The following PTPRD variants were observed in gnomAD, a reference collection of about 807,000 sequenced individuals.
The protein encoded by PTPRD is receptor-type tyrosine-protein phosphatase delta.
PTPRD carries 34 observed loss-of-function variants against 214.5 expected under a neutral mutation model. That is an observed-to-expected ratio of 0.16 (90% CI 0.12 to 0.21). The LOEUF is 0.21. PTPRD is among the 10% of genes least tolerant of loss of function. The probability of loss-of-function intolerance (pLI) is 1.00; values close to 1 mark genes in which losing one functional copy is unlikely to be tolerated. For synonymous variants in PTPRD, 1,128 were observed against 845.7 expected, an observed-to-expected ratio of 1.33 and a Z score of -5.79; for missense variants, 2,545 against 2,398.7, an observed-to-expected ratio of 1.06 and a Z score of -1.27.
intron 14 of PTPRD, among the ~76,000 whole-genome samples, chr9:8,632,133 GTGTGTGTGTGTGTGTC>G (rs1236338306): frequency 2.7e-5 from 4 of 146,654 alleles, no homozygotes; most frequent in South Asian, 2.2e-4. Context: ...GTGTGTGTGT[GTGTGTGTGTGTGTGTC>G]TGTGTGTGTG....
intron 3 of PTPRD, among the ~76,000 whole-genome samples, chr9:10,269,352 G>T (rs2094289233): frequency 6.6e-6 from 1 of 152,172 alleles, no homozygotes; most frequent in Admixed American, 6.5e-5. Context: ...AGATAAACAT[G>T]TGGTTCCTAT....
chr9:9,357,617 G>A (rs1236071575), intron 9 of PTPRD, among the ~76,000 whole-genome samples: 2 of 150,962 alleles, frequency 1.3e-5, no homozygotes, highest in Admixed American at 1.3e-4. Flanking sequence ...AGTGAATGAG[G>A]GAAAGAAGCA....
At chr9:8,510,870 T>C (rs961773876) in intron 21 of PTPRD, among the ~76,000 whole-genome samples, 2 of 152,152 alleles carry the variant, frequency 1.3e-5, no homozygotes, top group African/African-American at 4.8e-5. Context: ...ATGAGCATAA[T>C]ATATGTATAT....
chr9:9,349,607 T>C (rs146291310), intron 9 of PTPRD, among the ~76,000 whole-genome samples: 2,035 of 151,056 alleles, frequency 0.013, 36 homozygotes, highest in African/African-American at 0.047. Context: ...TTTTTTTGTA[T>C]ACTAAAGTTT....
chr9:9,505,373 T>C (rs1433127885), intron 8 of PTPRD, among the ~76,000 whole-genome samples: 1 of 151,560 alleles, frequency 6.6e-6, no homozygotes, highest in Non-Finnish European at 1.5e-5. Context: ...GAATTTTACT[T>C]TCCTCTTGCA....
chr9:9,175,725 A>G (rs1027362276), intron 10 of PTPRD, among the ~76,000 whole-genome samples: 4 of 151,504 alleles, frequency 2.6e-5, no homozygotes, highest in Admixed American at 1.3e-4. Context: ...TCTTTGTGTG[A>G]TCCGATTGTA....
intron 11 of PTPRD, among the ~76,000 whole-genome samples, chr9:8,882,212 G>A (rs1276242022): frequency 6.6e-6 from 1 of 152,114 alleles, no homozygotes; most frequent in Admixed American, 6.5e-5. Context: ...AAACAGAGTG[G>A]TGTTCCTTTC....
chr9:9,573,071 G>T (rs988977510), intron 8 of PTPRD, among the ~76,000 whole-genome samples: 1 of 151,492 alleles, frequency 6.6e-6, no homozygotes, highest in Non-Finnish European at 1.5e-5. Context: ...CAACACTATT[G>T]ATAAAGCCAA....
intron 4 of PTPRD, among the ~76,000 whole-genome samples, chr9:9,938,945 G>T (rs760716464): frequency 2.6e-5 from 4 of 151,654 alleles, no homozygotes; most frequent in Admixed American, 6.6e-5. Context: ...CTTGGAAACA[G>T]TAAATCAAAA....
chr9:8,628,882 G>C (rs571791311), intron 14 of PTPRD, among the ~76,000 whole-genome samples: 1 of 151,858 alleles, frequency 6.6e-6, no homozygotes, highest in African/African-American at 2.4e-5. Context: ...AGCATGTTTA[G>C]ACAATAATTG....
chr9:8,608,686 C>T (rs951525223), intron 14 of PTPRD, among the ~76,000 whole-genome samples: 1 of 151,980 alleles, frequency 6.6e-6, no homozygotes, highest in African/African-American at 2.4e-5. Flanking sequence ...TAGCAGTTGC[C>T]ATTAGAGTAC....
intron 10 of PTPRD, among the ~76,000 whole-genome samples, chr9:9,100,707 C>A (rs1055232795): frequency 2.6e-5 from 4 of 152,094 alleles, no homozygotes; most frequent in African/African-American, 9.7e-5. Flanking sequence ...ATGTTCCTGT[C>A]TCAGGAATAT....
intron 2 of PTPRD, among the ~76,000 whole-genome samples, chr9:10,428,460 G>A (rs1401690897): frequency 6.6e-6 from 1 of 152,022 alleles, no homozygotes; most frequent in Non-Finnish European, 1.5e-5. Flanking sequence ...AGTGCCACAT[G>A]TTGCAAACAG....
chr9:9,629,559 T>C (rs191061558), intron 7 of PTPRD, among the ~76,000 whole-genome samples: 84 of 152,218 alleles, frequency 5.5e-4, no homozygotes, highest in African/African-American at 1.9e-3. Flanking sequence ...ATACTTCACT[T>C]TAAAATTCCA....
At chr9:9,724,422 G>A (rs373481282) in intron 7 of PTPRD, among the ~76,000 whole-genome samples, 17 of 152,196 alleles carry the variant, frequency 1.1e-4, no homozygotes, top group African/African-American at 3.4e-4. Flanking sequence ...CCAGAGTTAC[G>A]TCACTTGTAC....
rs376355421 is a variant in PTPRD, at chr9:9,968,451, T to C, written c.-471-29841A>G. ...ATAATCAAGAAAATATATTTGCATATCTAATTATAACCATTCAAATTAGCT... is the reference window on the plus strand; with the variant it reads ...ATAATCAAGAAAATATATTTGCATACCTAATTATAACCATTCAAATTAGCT... On this transcript the variant is annotated intron_variant, in intron 4 of 45. Coordinates refer to ENST00000381196, the MANE Select transcript of PTPRD (RefSeq NM_002839.4). 1.1e-3 allele frequency among the ~76,000 whole-genome samples: 166 copies of C among 152,296 alleles called. 4 individuals are homozygous for C. The South Asian group carries it at 0.033, about 30-fold the overall frequency.
chr9:9,316,456 AG>A (rs1165901017), intron 9 of PTPRD, among the ~76,000 whole-genome samples: 4 of 152,148 alleles, frequency 2.6e-5, no homozygotes, highest in African/African-American at 9.6e-5. Context: ...GACTTTTATT[AG>A]GGTAATCTAT....
intron 8 of PTPRD, among the ~76,000 whole-genome samples, chr9:9,429,252 A>G (rs1294578726): frequency 6.6e-6 from 1 of 152,246 alleles, no homozygotes; most frequent in Non-Finnish European, 1.5e-5. Context: ...ACAAACTACC[A>G]TCAGAGAATA....
At chr9:8,329,233 T>C (rs1384088204) in intron 44 of PTPRD, among the ~76,000 whole-genome samples, 1 of 152,156 alleles carries the variant, frequency 6.6e-6, no homozygotes, top group African/African-American at 2.4e-5. Flanking sequence ...GTGCTATTCC[T>C]TTCTGTCTGT....
Sources: allele counts gnomAD v4.1 joint callset (sites outside exome capture counted in the v4.1 genomes callset), GRCh38; gene constraint gnomAD v4.1.1; transcripts MANE v1.5; gene names NCBI Gene and HGNC (gene_info 2026-07-23, HGNC 2026-07-21).